CCSER1: variants seen among roughly 807,000 people sequenced by gnomAD.
CCSER1 encodes the protein coiled-coil serine rich protein 1.
In CCSER1, 41 loss-of-function variants were observed where a neutral mutation model predicts 82.0. The ratio of observed to expected loss-of-function variants is 0.50; its 90% CI spans 0.39 to 0.65. The LOEUF (loss-of-function observed/expected upper bound fraction) is 0.65. Among genes scored for constraint, CCSER1 ranks in the 30% least tolerant of loss-of-function variants. The probability of loss-of-function intolerance (pLI) is 0.00; values close to 1 mark genes in which losing one functional copy is unlikely to be tolerated. For synonymous variants in CCSER1, 414 were observed against 383.9 expected (o/e 1.08, Z -0.92); for missense variants, 1,119 against 1,064.2 (o/e 1.05, Z -0.72).
At chr4:91,196,031 A>T (rs1735381751) in intron 10 of CCSER1, among the ~76,000 whole-genome samples, 1 of 151,888 alleles carries the variant, frequency 6.6e-6, no homozygotes, top group African/African-American at 2.4e-5. Flanking sequence ...TACTAAAAAT[A>T]AAAAAATTAG....
chr4:91,173,866 A>G (rs1368190120), intron 10 of CCSER1, among the ~76,000 whole-genome samples: 1 of 152,234 alleles, frequency 6.6e-6, no homozygotes, highest in East Asian at 1.9e-4. Flanking sequence ...CTATTCTCCA[A>G]CAGACCTTTA....
chr4:91,045,212 T>G (rs1460669061), intron 9 of CCSER1, among the ~76,000 whole-genome samples: 2 of 152,190 alleles, frequency 1.3e-5, no homozygotes, highest in Non-Finnish European at 2.9e-5. Flanking sequence ...CAGATCCTTT[T>G]TAACTTCTAA....
intron 10 of CCSER1, among the ~76,000 whole-genome samples, chr4:91,254,745 A>G (rs1418174669): frequency 1.3e-5 from 2 of 152,054 alleles, no homozygotes; most frequent in Admixed American, 6.5e-5. Flanking sequence ...GGGGGAAAAC[A>G]TAGTTAACTT....
Position 90,270,723 on chromosome 4 carries a change from T to C in CCSER1, c.-41-37521T>C, listed in dbSNP as rs145377261. On this transcript the variant is annotated intron_variant, in intron 1 of 10. Coordinates refer to ENST00000509176, the MANE Select transcript of CCSER1 (RefSeq NM_001145065.2). Reference sequence around the variant, plus strand: ...ATACTATCCCTGTTTGCAGATGATATGATCTTATATTTGGAAAAACCTAAA... The same window carrying C: ...ATACTATCCCTGTTTGCAGATGATACGATCTTATATTTGGAAAAACCTAAA... Among the ~76,000 whole-genome samples the C allele has an allele frequency of 8.0e-3, 1,220 of 152,236 alleles. 8 individuals carry two copies. Among genetic ancestry groups the C allele is most frequent in the African/African-American group, 0.014 (577 of 41,566 alleles).
chr4:90,611,595 A>G (rs894503388), intron 5 of CCSER1, among the ~76,000 whole-genome samples: 1 of 151,452 alleles, frequency 6.6e-6, no homozygotes, highest in African/African-American at 2.4e-5. Flanking sequence ...TATGATTGGT[A>G]TATTTTATTT....
At chr4:91,163,936 G>A (rs532324214) in intron 10 of CCSER1, among the ~76,000 whole-genome samples, 2 of 152,186 alleles carry the variant, frequency 1.3e-5, no homozygotes, top group African/African-American at 2.4e-5. Context: ...TACATTTAAG[G>A]TTAATATTGT....
At chr4:91,282,633 G>A (rs1364420426) in intron 10 of CCSER1, among the ~76,000 whole-genome samples, 1 of 152,090 alleles carries the variant, frequency 6.6e-6, no homozygotes, top group African/African-American at 2.4e-5. Context: ...GCATGGATTT[G>A]CACGTCTTAT....
intron 1 of CCSER1, among the ~76,000 whole-genome samples, chr4:90,268,454 A>G (rs904832570): frequency 1.3e-5 from 2 of 152,172 alleles, no homozygotes; most frequent in Non-Finnish European, 2.9e-5. Context: ...TAGTTTGTCT[A>G]TGCAATCACT....
chr4:90,419,979 A>G (rs1756431115), intron 4 of CCSER1, among the ~76,000 whole-genome samples: 1 of 151,828 alleles, frequency 6.6e-6, no homozygotes, highest in South Asian at 2.1e-4. Context: ...TTCTTGCAAA[A>G]GACTACTTAG....
At chr4:90,301,648 G>T (rs1237095777) in intron 1 of CCSER1, among the ~76,000 whole-genome samples, 1 of 152,018 alleles carries the variant, frequency 6.6e-6, no homozygotes, top group Non-Finnish European at 1.5e-5. Flanking sequence ...AAGACCCCTA[G>T]ATAATGGATA....
At chr4:90,416,770 G>A (rs1268196297) in intron 4 of CCSER1, among the ~76,000 whole-genome samples, 1 of 152,206 alleles carries the variant, frequency 6.6e-6, no homozygotes, top group Admixed American at 6.5e-5. Context: ...AACATTTTAA[G>A]TGATAATTTA....
intron 6 of CCSER1, among the ~76,000 whole-genome samples, chr4:90,708,544 A>G (rs916832570): frequency 6.6e-6 from 1 of 152,010 alleles, no homozygotes; most frequent in African/African-American, 2.4e-5. Flanking sequence ...ACTTCCAAAT[A>G]TTTTCTTTGT....
At chr4:91,280,624 G>A (rs1226427950) in intron 10 of CCSER1, among the ~76,000 whole-genome samples, 1 of 152,170 alleles carries the variant, frequency 6.6e-6, no homozygotes, top group Non-Finnish European at 1.5e-5. Flanking sequence ...GAGTGGCGTT[G>A]TTTTCCTTTG....
At chr4:91,447,396 C>CTA (rs3044004) in intron 10 of CCSER1, among the ~76,000 whole-genome samples, 123,556 of 151,662 alleles carry the variant, frequency 0.81, 50,626 homozygotes, top group East Asian at 0.92. Flanking sequence ...CCCCCCTAAA[C>CTA]CTGCTATTTC....
chr4:90,357,406 A>G (rs1449699419), intron 3 of CCSER1, among the ~76,000 whole-genome samples: 1 of 151,910 alleles, frequency 6.6e-6, no homozygotes, highest in Admixed American at 6.6e-5. Context: ...AAACTTTTCA[A>G]TTAAACCATG....
chr4:90,629,758 C>T (rs1484748799), intron 6 of CCSER1, among the ~76,000 whole-genome samples: 1 of 152,172 alleles, frequency 6.6e-6, no homozygotes, highest in Non-Finnish European at 1.5e-5. Flanking sequence ...TATGCTTATA[C>T]TTGATTACTC....
intron 5 of CCSER1, among the ~76,000 whole-genome samples, chr4:90,550,502 A>G (rs1777328399): frequency 6.6e-6 from 1 of 152,136 alleles, no homozygotes; most frequent in African/African-American, 2.4e-5. Flanking sequence ...CATTTCTTTC[A>G]CAATTTTATT....
chr4:91,426,387 C>T (rs1753973897), intron 10 of CCSER1, among the ~76,000 whole-genome samples: 1 of 151,968 alleles, frequency 6.6e-6, no homozygotes, highest in African/African-American at 2.4e-5. Flanking sequence ...ATTTATAATC[C>T]TTTGAGTATA....
intron 1 of CCSER1, among the ~76,000 whole-genome samples, chr4:90,281,412 A>C (rs1401716133): frequency 6.6e-6 from 1 of 152,074 alleles, no homozygotes; most frequent in East Asian, 1.9e-4. Context: ...GTGATGAAAT[A>C]ATATGTACAG....
Sources: allele counts gnomAD v4.1 joint callset (sites outside exome capture counted in the v4.1 genomes callset), GRCh38; gene constraint gnomAD v4.1.1; transcripts MANE v1.5; gene names NCBI Gene and HGNC (gene_info 2026-07-23, HGNC 2026-07-21).